The following TENM3 variants were observed in gnomAD, a reference collection of about 807,000 sequenced individuals.
TENM3 encodes teneurin transmembrane protein 3.
Under a neutral mutation model 255.1 loss-of-function variants are expected in TENM3, and 63 were observed. The observed-to-expected ratio is 0.25, with a 90% CI of 0.20 to 0.30. The LOEUF is 0.30. TENM3 is among the 10% of genes least tolerant of loss of function. The probability of loss-of-function intolerance (pLI) is 1.00; values close to 1 mark genes in which losing one functional copy is unlikely to be tolerated. For synonymous variants in TENM3, 1,306 were observed against 1,322.3 expected, an observed-to-expected ratio of 0.99 and a Z score of 0.27; for missense variants, 2,929 against 3,461.1, an observed-to-expected ratio of 0.85 and a Z score of 3.86.
At chr4:182,696,031 TTA>T (rs1332191981) in intron 12 of TENM3, among the ~76,000 whole-genome samples, 2 of 152,168 alleles carry the variant, frequency 1.3e-5, no homozygotes, top group Non-Finnish European at 2.9e-5. Context: ...AAAGTCTTGT[TTA>T]TGTGACGTCA....
chr4:182,256,645 C>T (rs1463256452), intron 1 of TENM3, among the ~76,000 whole-genome samples: 1 of 152,096 alleles, frequency 6.6e-6, no homozygotes, highest in Non-Finnish European at 1.5e-5. Flanking sequence ...GTAAAGTAGC[C>T]TTACGTCTTT....
At chr4:181,966,734 G>A in the TENM3 span, among the ~76,000 whole-genome samples, 2 of 152,170 alleles carry the variant, frequency 1.3e-5, no homozygotes, top group Admixed American at 6.5e-5. Context: ...ATAAAAACAA[G>A]TCTGTCTTTT....
the TENM3 span, among the ~76,000 whole-genome samples, chr4:182,118,976 T>C: frequency 6.6e-6 from 1 of 152,132 alleles, no homozygotes; most frequent in African/African-American, 2.4e-5. Context: ...ATTAGCGATG[T>C]GGTGGTCAGG....
chr4:181,796,316 A>G, the TENM3 span, among the ~76,000 whole-genome samples: 2 of 152,230 alleles, frequency 1.3e-5, no homozygotes, highest in Non-Finnish European at 2.9e-5. Context: ...TAGAGGGCAC[A>G]TTCATGAATT....
the TENM3 span, among the ~76,000 whole-genome samples, chr4:181,912,979 A>G: frequency 2.0e-5 from 3 of 152,148 alleles, no homozygotes; most frequent in Admixed American, 1.3e-4. Context: ...GACCTTTGGA[A>G]ATGCATAAGT....
At chr4:182,708,750 A>G (rs922939048) in intron 12 of TENM3, among the ~76,000 whole-genome samples, 1 of 150,348 alleles carries the variant, frequency 6.7e-6, no homozygotes, top group African/African-American at 2.5e-5. Context: ...GTGAGCGGAG[A>G]TCGCGCCACT....
the TENM3 span, among the ~76,000 whole-genome samples, chr4:181,712,709 C>G: frequency 6.6e-6 from 1 of 152,052 alleles, no homozygotes; most frequent in African/African-American, 2.4e-5. Flanking sequence ...GTTTATTATA[C>G]CAATGTATGT....
chr4:181,760,871 T>A, the TENM3 span, among the ~76,000 whole-genome samples: 123,291 of 151,564 alleles, frequency 0.81, 50,790 homozygotes, highest in East Asian at 0.94. Flanking sequence ...TTATTTCTTC[T>A]GACATCTTAT....
At chr4:182,312,487 A>G (rs902345109) in intron 1 of TENM3, among the ~76,000 whole-genome samples, 6 of 152,244 alleles carry the variant, frequency 3.9e-5, no homozygotes, top group African/African-American at 1.2e-4. Flanking sequence ...TTCAATCAGA[A>G]TAAGACATCT....
chr4:181,596,285 G>C, the TENM3 span, among the ~76,000 whole-genome samples: 1 of 152,204 alleles, frequency 6.6e-6, no homozygotes, highest in African/African-American at 2.4e-5. Flanking sequence ...ATCTGATCTA[G>C]AAGTAGCTGA....
the TENM3 span, among the ~76,000 whole-genome samples, chr4:181,941,156 T>A: frequency 6.6e-6 from 1 of 152,218 alleles, no homozygotes; most frequent in Non-Finnish European, 1.5e-5. Context: ...TTACTCCTAC[T>A]AGCCACGTAT....
chr4:182,435,402 A>C (rs1415675021), intron 3 of TENM3, among the ~76,000 whole-genome samples: 1 of 152,186 alleles, frequency 6.6e-6, no homozygotes, highest in African/African-American at 2.4e-5. Context: ...CTTTTTCAGC[A>C]AGTCTTTATG....
the TENM3 span, among the ~76,000 whole-genome samples, chr4:181,869,928 T>C: frequency 6.6e-6 from 1 of 152,138 alleles, no homozygotes; most frequent in East Asian, 1.9e-4. Flanking sequence ...AAATACTCCA[T>C]TGAGCCATTA....
At chr4:182,071,497 G>C in the TENM3 span, among the ~76,000 whole-genome samples, 1 of 147,744 alleles carries the variant, frequency 6.8e-6, no homozygotes, top group African/African-American at 2.5e-5. Context: ...CCATGCTGGA[G>C]TGCAGTGGCG....
chr4:182,604,488 CAGCTGCTTCAGTATGT>C (rs1283518027), intron 4 of TENM3, among the ~76,000 whole-genome samples: 7 of 152,148 alleles, frequency 4.6e-5, no homozygotes, highest in Non-Finnish European at 1.0e-4. Context: ...TTTTATACTT[CAGCTGCTTCAGTATGT>C]AATAATAGCT....
chr4:181,544,406 A>AT, the TENM3 span, among the ~76,000 whole-genome samples: 3 of 114,462 alleles, frequency 2.6e-5, no homozygotes, highest in South Asian at 6.6e-4. Flanking sequence ...TTCCTTCAGG[A>AT]TTAAAAAAAA....
At chr4:182,440,871 T>C (rs1241933027) in intron 3 of TENM3, among the ~76,000 whole-genome samples, 2 of 151,816 alleles carry the variant, frequency 1.3e-5, no homozygotes, top group African/African-American at 4.8e-5. Flanking sequence ...CATGTGAAGG[T>C]TTGTTACATA....
the TENM3 span, among the ~76,000 whole-genome samples, chr4:181,586,067 A>G: frequency 1.7e-4 from 26 of 152,196 alleles, no homozygotes; most frequent in Non-Finnish European, 3.7e-4. Flanking sequence ...AAAAACTTTA[A>G]AGTAATTATT....
At chr4:181,790,369 T>A in the TENM3 span, among the ~76,000 whole-genome samples, 1 of 152,222 alleles carries the variant, frequency 6.6e-6, no homozygotes, top group African/African-American at 2.4e-5. Flanking sequence ...AATAGAACAT[T>A]GTTCCTGAAA....
Sources: gnomAD v4.1 joint callset for allele counts (sites outside exome capture counted in the v4.1 genomes callset) on GRCh38, gnomAD v4.1.1 for gene constraint, MANE v1.5 for transcripts, NCBI Gene and HGNC (gene_info 2026-07-23, HGNC 2026-07-21) for gene names.